The following ARL15 variants were observed in gnomAD, a reference collection of about 807,000 sequenced individuals.
ARL15 encodes ADP-ribosylation factor-like protein 15.
A neutral mutation model predicts 25.2 loss-of-function variants in ARL15; 19 were observed. The observed-to-expected ratio is 0.75, with a 90% CI of 0.53 to 1.10. The LOEUF (loss-of-function observed/expected upper bound fraction) is 1.10. Among genes scored for constraint, ARL15 ranks in the 50% least tolerant of loss-of-function variants. The probability of loss-of-function intolerance (pLI) is 0.00; values close to 1 mark genes in which losing one functional copy is unlikely to be tolerated. For synonymous variants in ARL15, 94 were observed against 86.8 expected, an observed-to-expected ratio of 1.08 and a Z score of -0.46; for missense variants, 220 against 246.0, an observed-to-expected ratio of 0.89 and a Z score of 0.71.
intron 4 of ARL15, among the ~76,000 whole-genome samples, chr5:54,071,967 G>A (rs1430551150): frequency 2.6e-4 from 32 of 123,306 alleles, no homozygotes; most frequent in African/African-American, 3.4e-4. Flanking sequence ...GCGAGACTCC[G>A]TCTCAAAAAA....
chr5:54,154,577 T>C lies in ARL15; in HGVS notation c.253+3A>G. 6.6e-7 allele frequency: 1 copy of C among 1,518,186 alleles called. No homozygotes were observed. Among genetic ancestry groups the C allele is most frequent in the Non-Finnish European group, 8.8e-7 (1 of 1,131,584 alleles). The allele number at this position is 1,518,186 out of a possible 1,614,324, so 94.0% of individuals were successfully genotyped here. On this transcript the variant is annotated splice_donor_region_variant and intron_variant, in intron 3 of 4. Coordinates refer to ENST00000504924, the MANE Select transcript of ARL15 (RefSeq NM_019087.3). ...GACATAGAAATGATTTGAAATGTTA[T>C]ACCTCCAAGTTCTTTTACATTCAAG... is the stretch of plus-strand genomic sequence containing the variant.
chr5:54,145,564 C>T (rs1753880213), intron 3 of ARL15, among the ~76,000 whole-genome samples: 1 of 151,988 alleles, frequency 6.6e-6, no homozygotes, highest in Admixed American at 6.6e-5. Context: ...TTATGGCCAA[C>T]ATCACTCTCC....
chr5:54,041,693 G>T (rs748365127), intron 4 of ARL15, among the ~76,000 whole-genome samples: 10 of 152,186 alleles, frequency 6.6e-5, no homozygotes, highest in Non-Finnish European at 1.5e-4. Context: ...CAACTCTGAG[G>T]AACTTTATTT....
intron 4 of ARL15, among the ~76,000 whole-genome samples, chr5:54,067,993 C>T (rs1432912426): frequency 6.6e-6 from 1 of 152,190 alleles, no homozygotes; most frequent in Non-Finnish European, 1.5e-5. Context: ...GTCTATCTCT[C>T]CCACTAAAGT....
intron 1 of ARL15, among the ~76,000 whole-genome samples, chr5:54,202,254 C>A (rs1244259823): frequency 6.6e-6 from 1 of 152,148 alleles, no homozygotes; most frequent in Non-Finnish European, 1.5e-5. Context: ...CATATCCTAA[C>A]CCCTGGAACC....
intron 4 of ARL15, among the ~76,000 whole-genome samples, chr5:54,067,360 G>C (rs1056376882): frequency 2.6e-5 from 4 of 152,114 alleles, no homozygotes; most frequent in African/African-American, 9.7e-5. Context: ...CTCATTTTGT[G>C]AGCTTAACTA....
At chr5:54,279,439 C>T (rs930712317) in intron 1 of ARL15, among the ~76,000 whole-genome samples, 2 of 152,106 alleles carry the variant, frequency 1.3e-5, no homozygotes, top group African/African-American at 4.8e-5. Flanking sequence ...TTCTTATGTC[C>T]TCACATGGCA....
intron 4 of ARL15, among the ~76,000 whole-genome samples, chr5:53,888,614 A>T (rs759463810): frequency 2.6e-4 from 39 of 152,150 alleles, no homozygotes; most frequent in Admixed American, 9.2e-4. Context: ...TGAAAACACA[A>T]ACTCCATTCT....
intron 1 of ARL15, among the ~76,000 whole-genome samples, chr5:54,179,657 T>G (rs746098161): frequency 2.0e-5 from 3 of 152,100 alleles, no homozygotes; most frequent in Non-Finnish European, 4.4e-5. Context: ...CTGGCTTCTC[T>G]CTTTCACACT....
chr5:54,176,163 C>T (rs1205184549), intron 1 of ARL15, among the ~76,000 whole-genome samples: 2 of 152,156 alleles, frequency 1.3e-5, no homozygotes, highest in Non-Finnish European at 2.9e-5. Flanking sequence ...AAACCACAGG[C>T]TGTGGAAATA....
intron 4 of ARL15, among the ~76,000 whole-genome samples, chr5:53,920,533 C>T (rs1478431171): frequency 6.6e-6 from 1 of 151,702 alleles, no homozygotes; most frequent in Non-Finnish European, 1.5e-5. Context: ...CCAGCAGGTG[C>T]AGTGGTTCAT....
chr5:53,930,543 T>C (rs978542744), intron 4 of ARL15, among the ~76,000 whole-genome samples: 1 of 152,192 alleles, frequency 6.6e-6, no homozygotes, highest in Admixed American at 6.5e-5. Flanking sequence ...GATATATTTG[T>C]TAGAAAGGAG....
intron 3 of ARL15, among the ~76,000 whole-genome samples, chr5:54,151,418 T>C (rs1754066615): frequency 1.3e-5 from 2 of 152,274 alleles, no homozygotes; most frequent in South Asian, 2.1e-4. Flanking sequence ...AATGTCTCCA[T>C]CACTGAATGA....
At chr5:53,915,966 G>A (rs1239291511) in intron 4 of ARL15, among the ~76,000 whole-genome samples, 2 of 152,158 alleles carry the variant, frequency 1.3e-5, no homozygotes, top group African/African-American at 4.8e-5. Context: ...AAGTGCAGTG[G>A]CATGGTCATG....
At chr5:54,057,921 A>G (rs904004424) in intron 4 of ARL15, among the ~76,000 whole-genome samples, 2 of 152,134 alleles carry the variant, frequency 1.3e-5, no homozygotes, top group Non-Finnish European at 2.9e-5. Flanking sequence ...TAATATATGA[A>G]GATCTCAAGA....
At chr5:53,931,910 A>G (rs1746205362) in intron 4 of ARL15, among the ~76,000 whole-genome samples, 1 of 152,202 alleles carries the variant, frequency 6.6e-6, no homozygotes, top group South Asian at 2.1e-4. Flanking sequence ...TATCATCTAT[A>G]TTCCCTGCCC....
chr5:53,967,338 T>A (rs1747598580), intron 4 of ARL15, among the ~76,000 whole-genome samples: 1 of 152,100 alleles, frequency 6.6e-6, no homozygotes. Context: ...AGAATGACAA[T>A]AAAAGCATGT....
At chr5:54,302,823 C>T (rs1306637103) in intron 1 of ARL15, among the ~76,000 whole-genome samples, 2 of 146,730 alleles carry the variant, frequency 1.4e-5, no homozygotes, top group African/African-American at 5.0e-5. Flanking sequence ...TGGTACTTTA[C>T]AGACACTCGG....
chr5:53,984,769 T>C (rs1748234573), intron 4 of ARL15, among the ~76,000 whole-genome samples: 1 of 152,210 alleles, frequency 6.6e-6, no homozygotes, highest in African/African-American at 2.4e-5. Context: ...CTGCCTTCAA[T>C]TTACTGAGAA....
Sources: allele counts gnomAD v4.1 joint callset (sites outside exome capture counted in the v4.1 genomes callset), GRCh38; gene constraint gnomAD v4.1.1; transcripts MANE v1.5; gene names NCBI Gene and HGNC (gene_info 2026-07-23, HGNC 2026-07-21).